The following MDGA2 variants were observed in gnomAD, a reference collection of about 807,000 sequenced individuals.
The protein encoded by MDGA2 is MAM domain containing glycosylphosphatidylinositol anchor 2.
In MDGA2, 40 loss-of-function variants were observed where a neutral mutation model predicts 117.8. The observed-to-expected ratio is 0.34, with a 90% CI of 0.26 to 0.44. The LOEUF is 0.44. Among genes scored for constraint, MDGA2 ranks in the 20% least tolerant of loss-of-function variants. The pLI, the probability that MDGA2 is intolerant of heterozygous loss-of-function variation, is 1.00. For missense variants in MDGA2, 1,123 were observed against 1,250.6 expected, an observed-to-expected ratio of 0.90 and a Z score of 1.54; for synonymous variants, 452 against 439.0, an observed-to-expected ratio of 1.03 and a Z score of -0.37.
At chr14:47,509,867 G>A (rs560476140) in intron 1 of MDGA2, among the ~76,000 whole-genome samples, 4 of 152,134 alleles carry the variant, frequency 2.6e-5, no homozygotes, top group Non-Finnish European at 5.9e-5. Flanking sequence ...GGGATGAATC[G>A]TACCTTGAGT....
chr14:47,340,697 C>T lies in MDGA2; in HGVS notation c.281-39147G>A, dbSNP rs140597419. Among the ~76,000 whole-genome samples, 710 of 152,258 alleles carry T rather than the reference C, an allele frequency of 4.7e-3. 5 individuals are homozygous for T. The highest frequency in any genetic ancestry group is 0.016 in the African/African-American group (664 of 41,548). ...AGAGCATCAGCAAAGAGTTTGCTGC[C>T]ATTTCTTAATGCAATAGCATGGCAA... On this transcript the variant is annotated intron_variant, in intron 1 of 16. Transcript: ENST00000399232.
Position 47,391,242 on chromosome 14 carries a change from G to T in MDGA2, c.281-89692C>A, listed in dbSNP as rs537050377. On this transcript the variant is annotated intron_variant, in intron 1 of 16. Transcript: ENST00000399232. ...TTTCATGCTGCCCTAGCAACTTTTTGATTGTGACTGCCTGTACTGTAGATT... is the reference window on the plus strand; with the variant it reads ...TTTCATGCTGCCCTAGCAACTTTTTTATTGTGACTGCCTGTACTGTAGATT... Among the ~76,000 whole-genome samples, 20 of 152,216 alleles carry T rather than the reference G, an allele frequency of 1.3e-4. No individual in the cohort carries two copies. In the South Asian group the frequency reaches 3.5e-3, roughly 27 times the overall value.
At chr14:47,206,078 T>C (rs952016936) in intron 3 of MDGA2, among the ~76,000 whole-genome samples, 4 of 151,978 alleles carry the variant, frequency 2.6e-5, no homozygotes, top group African/African-American at 9.7e-5. Context: ...AGAAAGAAGA[T>C]AGCTAATTTG....
intron 1 of MDGA2, among the ~76,000 whole-genome samples, chr14:47,479,541 CT>C (rs1229413935): frequency 6.6e-6 from 1 of 152,114 alleles, no homozygotes; most frequent in Non-Finnish European, 1.5e-5. Flanking sequence ...GTGAAGACTA[CT>C]TACATACTTT....
intron 6 of MDGA2, among the ~76,000 whole-genome samples, chr14:47,079,727 ATTTTTTT>A (rs35801678): frequency 2.5e-5 from 2 of 80,072 alleles, no homozygotes; most frequent in African/African-American, 1.1e-4. Flanking sequence ...TTTTCTACTA[ATTTTTTT>A]TTTTTTTTTT....
At chr14:47,331,237 G>A (rs577234026) in intron 1 of MDGA2, among the ~76,000 whole-genome samples, 3 of 151,796 alleles carry the variant, frequency 2.0e-5, no homozygotes, top group South Asian at 4.2e-4. Flanking sequence ...AGGGGAAAAC[G>A]TACTTTTATG....
At chr14:47,486,969 C>T (rs560123622) in intron 1 of MDGA2, among the ~76,000 whole-genome samples, 1 of 152,292 alleles carries the variant, frequency 6.6e-6, no homozygotes, top group South Asian at 2.1e-4. Flanking sequence ...GGTTGTTTTC[C>T]TTTATCATTC....
At chr14:46,845,570 T>G (rs1880801489) in intron 16 of MDGA2, among the ~76,000 whole-genome samples, 196 bp downstream of exon 16, 1 of 152,202 alleles carries the variant, frequency 6.6e-6, no homozygotes, top group African/African-American at 2.4e-5. Flanking sequence ...CTATTTTATC[T>G]TAGGCCAAAT....
chr14:47,000,377 T>TTATATA lies in MDGA2; in HGVS notation c.1819+34628_1819+34633dup, dbSNP rs1162156512. Among the ~76,000 whole-genome samples the TTATATA allele has an allele frequency of 4.0e-4, 40 of 100,012 alleles. 1 individual carries two copies. Among genetic ancestry groups the TTATATA allele is most frequent in the South Asian group, 1.1e-3 (4 of 3,772 alleles). 65.6% of individuals were successfully genotyped at this position (100,012 alleles called of 152,430 possible). On this transcript the variant is annotated intron_variant, in intron 8 of 16. Transcript: ENST00000399232. Reference sequence around the variant, plus strand: ...CACACATATATATGTATATATATATTTATATATATATATTTATATATAAAT... The same window carrying TTATATA: ...CACACATATATATGTATATATATATTTATATATATATATATATATTTATATATAAAT...
At chr14:47,274,927 G>C (rs1456710631) in intron 2 of MDGA2, among the ~76,000 whole-genome samples, 1 of 152,036 alleles carries the variant, frequency 6.6e-6, no homozygotes, top group Non-Finnish European at 1.5e-5. Context: ...TTCTACTATT[G>C]AGTTGTAAGA....
At chr14:47,042,582 A>C (rs1566589295) in intron 7 of MDGA2, among the ~76,000 whole-genome samples, 1 of 152,144 alleles carries the variant, frequency 6.6e-6, no homozygotes, top group Non-Finnish European at 1.5e-5. Flanking sequence ...TTGGCTTCAT[A>C]AGCATGAGAC....
chr14:47,096,983 T>C lies in MDGA2; in HGVS notation c.1066A>G (p.Lys356Glu), dbSNP rs146964427. 46 of 1,613,346 alleles carry C rather than the reference T, an allele frequency of 2.9e-5. No individual in the cohort carries two copies. Among genetic ancestry groups the C allele is most frequent in the Non-Finnish European group, 3.8e-5 (45 of 1,179,510 alleles). Residue 356 changes from lysine (K) to glutamate (E), a missense_variant, in exon 6 of 17, where the codon AAG becomes GAG. Lys to Glu is a moderately conservative substitution (Grantham distance 56, BLOSUM62 1). Around this residue, in one of 2 missense-constraint regions of MDGA2, gnomAD observed 890 missense variants for 1,050.3 expected, o/e 0.85. Coordinates refer to ENST00000399232, the MANE Select transcript of MDGA2 (RefSeq NM_001113498.3). The part of the protein sequence containing the change: ...WVRSFGTLPE[K>E]TVLNGGTLTI... Reference sequence around the variant, plus strand: ...AAAGTTCCTCCATTCAAAACAGTCTTTTCAGGCAGAGTCCCAAAGGACCTG... The same window carrying C: ...AAAGTTCCTCCATTCAAAACAGTCTCTTCAGGCAGAGTCCCAAAGGACCTG...
chr14:47,168,751 TTA>T (rs1010806785), intron 3 of MDGA2, among the ~76,000 whole-genome samples: 75 of 152,176 alleles, frequency 4.9e-4, no homozygotes, highest in African/African-American at 1.7e-3. Flanking sequence ...TAAATTACAT[TTA>T]TATGTTAAAT....
intron 2 of MDGA2, among the ~76,000 whole-genome samples, chr14:47,262,404 G>T (rs1482981235): frequency 6.6e-6 from 1 of 152,066 alleles, no homozygotes; most frequent in Non-Finnish European, 1.5e-5. Context: ...TCACAAGGCT[G>T]TCCCAAATAT....
intron 2 of MDGA2, among the ~76,000 whole-genome samples, chr14:47,250,545 T>C (rs1887410868): frequency 1.3e-5 from 2 of 152,092 alleles, no homozygotes; most frequent in Non-Finnish European, 2.9e-5. Flanking sequence ...TGAATGGGAA[T>C]AGAGTTCATA....
intron 1 of MDGA2, among the ~76,000 whole-genome samples, chr14:47,514,465 T>C (rs1446830610): frequency 1.3e-5 from 2 of 152,120 alleles, no homozygotes; most frequent in Non-Finnish European, 2.9e-5. Context: ...TTTAGATGTC[T>C]CTAATCTTTG....
At chr14:47,285,287 T>C (rs932406626) in intron 2 of MDGA2, among the ~76,000 whole-genome samples, 4 of 152,176 alleles carry the variant, frequency 2.6e-5, no homozygotes, top group African/African-American at 7.2e-5. Context: ...TTGAATGTTT[T>C]AGCATACACT....
chr14:47,505,191 G>C (rs913189770), intron 1 of MDGA2, among the ~76,000 whole-genome samples: 2 of 152,108 alleles, frequency 1.3e-5, no homozygotes, highest in African/African-American at 2.4e-5. Flanking sequence ...GTAGAACAGT[G>C]GTTGTCAGAA....
At chr14:47,052,349 C>G (rs555097427) in intron 7 of MDGA2, among the ~76,000 whole-genome samples, 1 of 151,862 alleles carries the variant, frequency 6.6e-6, no homozygotes, top group South Asian at 2.1e-4. Context: ...AAGAAAGTCC[C>G]AAACACATGG....
Sources: gnomAD v4.1 joint callset for allele counts (sites outside exome capture counted in the v4.1 genomes callset) on GRCh38, gnomAD v4.1.1 for gene constraint, gnomAD v4.1.1 regional missense constraint, MANE v1.5 for transcripts, NCBI Gene and HGNC (gene_info 2026-07-23, HGNC 2026-07-21) for gene names.